NFIC: variants seen among roughly 807,000 people sequenced by gnomAD.
The protein encoded by NFIC is nuclear factor 1 C-type.
In NFIC, 12 loss-of-function variants were observed where a neutral mutation model predicts 54.4. That is an observed-to-expected ratio of 0.22 (90% CI 0.14 to 0.36). The LOEUF is 0.36. Among genes scored for constraint, NFIC ranks in the 10% least tolerant of loss-of-function variants. The pLI, the probability that NFIC is intolerant of heterozygous loss-of-function variation, is 1.00. For synonymous variants in NFIC, 322 were observed against 319.2 expected (o/e 1.01, Z -0.09); for missense variants, 575 against 718.2 (o/e 0.80, Z 2.28).
intron 1 of NFIC, among the ~76,000 whole-genome samples, chr19:3,368,301 C>G (rs544757197): frequency 6.6e-6 from 1 of 152,184 alleles, no homozygotes; most frequent in East Asian, 1.9e-4. Context: ...CCTGGAATTC[C>G]CCCATCAGGG....
intron 2 of NFIC, among the ~76,000 whole-genome samples, chr19:3,410,439 C>G (rs747319861): frequency 3.3e-5 from 5 of 152,116 alleles, no homozygotes. Context: ...CAGGCAGAGG[C>G]GCAGCCCGTG....
intron 6 of NFIC, among the ~76,000 whole-genome samples, chr19:3,440,488 A>G (rs151314227): frequency 0.013 from 1,965 of 151,196 alleles, 56 homozygotes; most frequent in African/African-American, 0.046. Context: ...CTGGGGTGCA[A>G]TGCGCGATCT....
chr19:3,366,666 G>T lies in NFIC; in HGVS notation c.30G>T (p.Gln10His). 6.8e-7 allele frequency: 1 copy of T among 1,466,412 alleles called. No homozygotes were observed. Among genetic ancestry groups the T allele is most frequent in the South Asian group, 1.4e-5 (1 of 71,318 alleles). 90.8% of individuals were successfully genotyped at this position (1,466,412 alleles called of 1,614,324 possible). ...ATTCGTCCCCGCTCTGCCTCACCCA[G>T]GTACGGTCCTCGCCCGGCCCCCCGC... MYSSPLCLT[Q>H]DEFHPFIEAL... Residue 10 changes from glutamine to histidine, a missense_variant and splice_region_variant, in exon 1 of 11, where the codon CAG (glutamine) becomes CAT (histidine). Coordinates refer to ENST00000443272, the MANE Select transcript of NFIC (RefSeq NM_001245002.2).
chr19:3,407,381 G>C (rs1190011880), intron 2 of NFIC, among the ~76,000 whole-genome samples: 1 of 151,756 alleles, frequency 6.6e-6, no homozygotes, highest in Non-Finnish European at 1.5e-5. Flanking sequence ...CCAAAGTGCT[G>C]GGATTACAGG....
chr19:3,367,207 G>A (rs1011911938), intron 1 of NFIC, among the ~76,000 whole-genome samples: 1 of 152,176 alleles, frequency 6.6e-6, no homozygotes, highest in Non-Finnish European at 1.5e-5. Flanking sequence ...CCTTTCCCTC[G>A]TTATTGGCCC....
At chr19:3,387,358 C>T (rs866437259) in intron 2 of NFIC, among the ~76,000 whole-genome samples, 50 of 152,202 alleles carry the variant, frequency 3.3e-4, no homozygotes, top group Middle Eastern at 6.8e-3. Flanking sequence ...AAAAATTAGC[C>T]GGGCGTGGTG....
At chr19:3,422,129 T>C (rs1045463252) in intron 2 of NFIC, among the ~76,000 whole-genome samples, 10 of 151,902 alleles carry the variant, frequency 6.6e-5, no homozygotes, top group African/African-American at 1.9e-4. Context: ...AGAGATGGGG[T>C]TTCACCATGT....
At chr19:3,399,927 C>T (rs2081527878) in intron 2 of NFIC, among the ~76,000 whole-genome samples, 1 of 151,546 alleles carries the variant, frequency 6.6e-6, no homozygotes, top group Non-Finnish European at 1.5e-5. Flanking sequence ...ACTCACACCT[C>T]TAATCCCAGC....
At chr19:3,424,250 A>G (rs1227185477) in intron 2 of NFIC, among the ~76,000 whole-genome samples, 8 of 151,542 alleles carry the variant, frequency 5.3e-5, no homozygotes, top group Admixed American at 1.3e-4. Context: ...CTGGTCTTCA[A>G]CTCCTGACCT....
intron 2 of NFIC, among the ~76,000 whole-genome samples, chr19:3,393,956 T>C (rs1016537864): frequency 1.3e-5 from 2 of 151,804 alleles, no homozygotes; most frequent in Non-Finnish European, 2.9e-5. Flanking sequence ...ATTTTTTTTT[T>C]CCTTGAGACA....
chr19:3,397,054 G>A (rs147818195), intron 2 of NFIC, among the ~76,000 whole-genome samples: 1 of 152,130 alleles, frequency 6.6e-6, no homozygotes, highest in Non-Finnish European at 1.5e-5. Flanking sequence ...GGTGCATTGT[G>A]GGGGGATTGC....
chr19:3,439,839 C>G (rs904228735), intron 6 of NFIC, among the ~76,000 whole-genome samples: 1 of 151,560 alleles, frequency 6.6e-6, no homozygotes, highest in African/African-American at 2.4e-5. Context: ...CAGGCACCCA[C>G]CACCATGCCC....
intron 6 of NFIC, among the ~76,000 whole-genome samples, chr19:3,436,309 ATTTTTTTTTTTTT>A (rs71166903): frequency 3.5e-5 from 3 of 85,508 alleles, no homozygotes; most frequent in African/African-American, 1.3e-4. Context: ...TGCGCCGTTA[ATTTTTTTTTTTTT>A]TTTTTTTTTT....
upstream of NFIC, among the ~76,000 whole-genome samples, chr19:3,363,949 T>C (rs982583454): frequency 6.6e-6 from 1 of 152,220 alleles, no homozygotes; most frequent in African/African-American, 2.4e-5. Flanking sequence ...CTTGGGGACA[T>C]AACCAGTTGG....
chr19:3,396,896 CG>C (rs1174288660), intron 2 of NFIC, among the ~76,000 whole-genome samples: 1 of 152,104 alleles, frequency 6.6e-6, no homozygotes, highest in Non-Finnish European at 1.5e-5. Context: ...GCAGAGGTTG[CG>C]GTGAGCTGAG....
At chr19:3,398,072 G>A (rs541536144) in intron 2 of NFIC, among the ~76,000 whole-genome samples, 1 of 152,250 alleles carries the variant, frequency 6.6e-6, no homozygotes, top group South Asian at 2.1e-4. Context: ...GCACACAGTT[G>A]ACACTCTTCC....
chr19:3,365,872 C>T (rs1490688878), upstream of NFIC, among the ~76,000 whole-genome samples: 2 of 152,192 alleles, frequency 1.3e-5, no homozygotes, highest in Non-Finnish European at 2.9e-5. Context: ...GGGACAGCTG[C>T]ACACAAGCCC....
At chr19:3,400,124 T>C (rs1250581011) in intron 2 of NFIC, among the ~76,000 whole-genome samples, 1 of 152,158 alleles carries the variant, frequency 6.6e-6, no homozygotes, top group African/African-American at 2.4e-5. Context: ...AGTAAGCTCC[T>C]ACTGTATGCC....
chr19:3,444,731 A>T (rs543818898), intron 6 of NFIC, among the ~76,000 whole-genome samples: 1 of 152,320 alleles, frequency 6.6e-6, no homozygotes, highest in South Asian at 2.1e-4. Context: ...AAATCCTCCT[A>T]AATGAGCGTC....
Sources: allele counts gnomAD v4.1 joint callset (sites outside exome capture counted in the v4.1 genomes callset), GRCh38; gene constraint gnomAD v4.1.1; transcripts MANE v1.5; gene names NCBI Gene and HGNC (gene_info 2026-07-23, HGNC 2026-07-21).